The following EPB41L1 variants were observed in gnomAD, a reference collection of about 807,000 sequenced individuals.
EPB41L1 encodes the protein band 4.1-like protein 1.
In EPB41L1, 29 loss-of-function variants were observed where a neutral mutation model predicts 97.8. The ratio of observed to expected loss-of-function variants is 0.30; its 90% confidence interval spans 0.22 to 0.40. The LOEUF is 0.40. Ranked by LOEUF, EPB41L1 falls within the 10% of genes least tolerant of loss-of-function variation. The pLI is 1.00. For missense variants in EPB41L1, 812 were observed against 1,162.3 expected (o/e 0.70, Z 4.38); for synonymous variants, 383 against 459.2 (o/e 0.83, Z 2.12).
chr20:36,154,885 C>T lies in EPB41L1; in HGVS notation c.-26C>T, dbSNP rs1052056895. The T allele has an allele frequency of 1.9e-6, 2 of 1,026,590 alleles. No individual in the cohort carries two copies. The highest frequency in any genetic ancestry group is 1.7e-5 in the African/African-American group (1 of 57,532). The allele number at this position is 1,026,590 out of a possible 1,614,324, so 63.6% of individuals were successfully genotyped here. A position where few individuals can be genotyped will look rare whatever the true frequency, so the allele number is the denominator to read the frequency against. ...CGCCCAACCTGCCCGACATGGGGAA[C>T]CCCGGGCCCAGGTAGGCACATGGGG... On this transcript the variant is annotated 5_prime_UTR_variant, in exon 1 of 22. Coordinates refer to ENST00000338074, the MANE Select transcript of EPB41L1 (RefSeq NM_012156.2). The surrounding 1 kb of genome is among the most constrained non-coding windows in gnomAD (Gnocchi z 5.5).
intron 2 of EPB41L1, among the ~76,000 whole-genome samples, chr20:36,130,090 C>T (rs953674154): frequency 1.3e-5 from 2 of 151,988 alleles, no homozygotes; most frequent in East Asian, 3.9e-4. Context: ...TACAGGCACC[C>T]GCCACCATGC....
chr20:36,165,337 C>G (rs781732536), intron 1 of EPB41L1, among the ~76,000 whole-genome samples: 8 of 152,172 alleles, frequency 5.3e-5, no homozygotes, highest in Non-Finnish European at 8.8e-5. Context: ...TAGCCTTGAT[C>G]TCCATGGCCT....
intron 1 of EPB41L1, among the ~76,000 whole-genome samples, chr20:36,100,804 A>G (rs930483518): frequency 1.3e-5 from 2 of 152,164 alleles, no homozygotes; most frequent in African/African-American, 4.8e-5. Flanking sequence ...CTTGACTCTG[A>G]AAGAAGGGCT....
rs1044331095 is a variant in EPB41L1, at chr20:36,111,110, C to G, written c.-64-1316C>G. Reference sequence around the variant, plus strand: ...ACAGGCATCATCTCATTTAGTCCCCCCATTAGCCCTGGGAGCAGACACTTT... The same window carrying G: ...ACAGGCATCATCTCATTTAGTCCCCGCATTAGCCCTGGGAGCAGACACTTT... On this transcript the variant is annotated intron_variant, in intron 1 of 19. Coordinates refer to the EPB41L1 transcript ENST00000202028. 6.6e-5 allele frequency among the ~76,000 whole-genome samples: 10 copies of G among 152,166 alleles called. No homozygotes were observed. In the East Asian group the frequency reaches 1.7e-3, roughly 26 times the overall value.
chr20:36,110,257 C>T (rs183022037), intron 1 of EPB41L1, among the ~76,000 whole-genome samples: 23 of 152,144 alleles, frequency 1.5e-4, no homozygotes, highest in Admixed American at 1.5e-3. Context: ...TTGTTTAGTA[C>T]AACGGTCTCA....
At chr20:36,168,594 G>A (rs1442243741) in intron 1 of EPB41L1, among the ~76,000 whole-genome samples, 3 of 151,178 alleles carry the variant, frequency 2.0e-5, no homozygotes, top group African/African-American at 7.3e-5. Flanking sequence ...GCAGTGGCGC[G>A]ATCTCGGCTC....
chr20:36,111,121 G>A (rs943652254), intron 1 of EPB41L1, among the ~76,000 whole-genome samples: 1 of 152,156 alleles, frequency 6.6e-6, no homozygotes, highest in Non-Finnish European at 1.5e-5. Context: ...CATTAGCCCT[G>A]GGAGCAGACA....
chr20:36,173,643 G>A, intron 1 of EPB41L1, 121 bp from the exon 2 acceptor site: 3 of 867,992 alleles, frequency 3.5e-6, no homozygotes, highest in Admixed American at 1.8e-5. Context: ...TCCTCCCTTT[G>A]CCCTGTGACT....
chr20:36,163,856 T>G (rs1402996633), intron 1 of EPB41L1, among the ~76,000 whole-genome samples: 1 of 151,882 alleles, frequency 6.6e-6, no homozygotes, highest in Non-Finnish European at 1.5e-5. Context: ...TGCCAGTGCC[T>G]TCTTCTTTAT....
chr20:36,177,976 T>C lies in EPB41L1; in HGVS notation c.367T>C (p.Phe123Leu), dbSNP rs1206620204. The C allele has an allele frequency of 6.2e-7, 1 of 1,614,172 alleles. No homozygotes were observed. The highest frequency in any genetic ancestry group is 1.1e-5 in the South Asian group (1 of 91,084). ...GAAACATGGCCGGGGCCAGGTGCTGTTTGACCTGGTCTGTGAACACCTCAA... is the reference window on the plus strand; with the variant it reads ...GAAACATGGCCGGGGCCAGGTGCTGCTTGACCTGGTCTGTGAACACCTCAA... ...VEKHGRGQVL[F>L]DLVCEHLNLL... Residue 123 changes from phenylalanine (F) to leucine (L), a missense_variant, in exon 4 of 22, where the codon TTT (phenylalanine) becomes CTT (leucine). This residue lies in a region of EPB41L1 where 230 missense variants were observed against 445.2 expected (regional missense o/e 0.52). Coordinates refer to ENST00000338074, the MANE Select transcript of EPB41L1 (RefSeq NM_012156.2).
intron 1 of EPB41L1, among the ~76,000 whole-genome samples, chr20:36,098,239 A>C (rs2057896853): frequency 6.6e-6 from 1 of 152,168 alleles, no homozygotes; most frequent in Non-Finnish European, 1.5e-5. Flanking sequence ...TAACCTCTAA[A>C]GCTGCCTAAT....
At position 36,207,593 on chromosome 20, in the gene EPB41L1, T is replaced by C; in HGVS notation, c.1669-1895T>C. ...CGGAGTACGCTCTCAGACCTGGGCT[T>C]CGCCCAACTCCAGCCCCCAGGGGAC... On this transcript the variant is annotated intron_variant, in intron 14 of 21. Coordinates refer to ENST00000338074, the MANE Select transcript of EPB41L1 (RefSeq NM_012156.2). This position sits in a 1 kb window ranked among gnomAD's most constrained non-coding sequence, Gnocchi z 4.9. 6.2e-6 allele frequency: 8 copies of C among 1,289,944 alleles called. No homozygotes were observed. The highest frequency in any genetic ancestry group is 8.1e-6 in the Non-Finnish European group (8 of 988,898). The allele number at this position is 1,289,944 out of a possible 1,614,324, so 79.9% of individuals were successfully genotyped here.
chr20:36,126,670 G>T (rs1360276842), intron 2 of EPB41L1, among the ~76,000 whole-genome samples: 1 of 152,172 alleles, frequency 6.6e-6, no homozygotes, highest in East Asian at 1.9e-4. Flanking sequence ...CTGGCCAGTG[G>T]AATGTTTTGT....
At chr20:36,188,188 T>C (rs2061764658) in intron 8 of EPB41L1, among the ~76,000 whole-genome samples, 159 bp from the exon 9 acceptor site, 1 of 152,106 alleles carries the variant, frequency 6.6e-6, no homozygotes, top group Admixed American at 6.5e-5. Flanking sequence ...TGAATGACTA[T>C]GGGAGGGATT....
At chr20:36,229,184 A>G in intron 21 of EPB41L1, 148 bp from the exon 22 acceptor site, 1 of 688,010 alleles carries the variant, frequency 1.5e-6, no homozygotes, top group Non-Finnish European at 2.6e-6. Flanking sequence ...CTGAGTCACA[A>G]TAAAGGGCAT....
intron 16 of EPB41L1, among the ~76,000 whole-genome samples, chr20:36,213,327 G>A (rs372291244): frequency 6.6e-5 from 10 of 152,124 alleles, no homozygotes; most frequent in African/African-American, 2.4e-4. Context: ...AAACCCAGGA[G>A]GTCGAAGCTG....
intron 1 of EPB41L1, chr20:36,110,973 A>C (rs1186457018): frequency 6.6e-6 from 1 of 152,064 alleles, no homozygotes; most frequent in African/African-American, 2.4e-5. Context: ...CCACTTATTC[A>C]CTGCCTGGTC....
Position 36,207,679 on chromosome 20 carries a change from GAGGA to G in EPB41L1, c.1669-1808_1669-1805del. On this transcript the variant is annotated intron_variant, in intron 14 of 21. Coordinates refer to ENST00000338074, the MANE Select transcript of EPB41L1 (RefSeq NM_012156.2). This position sits in a 1 kb window ranked among gnomAD's most constrained non-coding sequence, Gnocchi z 4.9. ...ACCTCTGGCTACCAGACACTTCAGG[GAGGA>G]CACTTCTGCATCCTACCAGGAAGCA... The G allele has an allele frequency of 7.8e-7, 1 of 1,290,152 alleles. No homozygotes were observed. The highest frequency in any genetic ancestry group is 1.0e-6 in the Non-Finnish European group (1 of 988,944). The allele number at this position is 1,290,152 out of a possible 1,614,324, so 79.9% of individuals were successfully genotyped here.
At chr20:36,136,282 C>T (rs1036689174) in intron 2 of EPB41L1, among the ~76,000 whole-genome samples, 24 of 151,646 alleles carry the variant, frequency 1.6e-4, no homozygotes, top group African/African-American at 4.1e-4. Flanking sequence ...GCGATCCTCC[C>T]GCCTCAGCCT....
Sources: gnomAD v4.1 joint callset for allele counts (sites outside exome capture counted in the v4.1 genomes callset) on GRCh38, gnomAD v4.1.1 for gene constraint, gnomAD v4.1.1 regional missense constraint, Gnocchi (gnomAD v3.1) non-coding constraint, MANE v1.5 for transcripts, NCBI Gene and HGNC (gene_info 2026-07-23, HGNC 2026-07-21) for gene names.